Variants in EXOC1L observed in about 807,000 individuals in gnomAD.
EXOC1L encodes exocyst complex component 1 like, also known as exocyst complex component 1-like.
A neutral mutation model predicts 4.9 loss-of-function variants in EXOC1L; 10 were observed. The ratio of observed to expected loss-of-function variants is 2.02; its 90% CI spans 1.25 to 3.43. The LOEUF is 3.43. EXOC1L is among the 30% of genes most tolerant of loss of function. The pLI is 0.00. For missense variants in EXOC1L, 114 were observed against 59.4 expected (o/e 1.92, Z -3.02); for synonymous variants, 41 against 20.8 (o/e 1.97, Z -2.63).
At chr4:55,833,172 A>G (rs1036937380) in intron 2 of EXOC1L, among the ~76,000 whole-genome samples, 4 of 151,930 alleles carry the variant, frequency 2.6e-5, no homozygotes, top group African/African-American at 9.7e-5. Context: ...ATATATTATT[A>G]CATATTTATA....
intron 1 of EXOC1L, among the ~76,000 whole-genome samples, chr4:55,822,570 T>C (rs1052569282): frequency 6.6e-6 from 1 of 152,122 alleles, no homozygotes; most frequent in East Asian, 1.9e-4. Flanking sequence ...CTGAAGGACT[T>C]GACATAGCAT....
At chr4:55,833,445 A>G (rs1196430991) in intron 2 of EXOC1L, among the ~76,000 whole-genome samples, 1 of 151,850 alleles carries the variant, frequency 6.6e-6, no homozygotes, top group Non-Finnish European at 1.5e-5. Flanking sequence ...TACCTCTGTG[A>G]TAAGATTACA....
In EXOC1L at chr4:55,819,977, G is replaced by T; in HGVS notation, c.-50G>T. On this transcript the variant is annotated 5_prime_UTR_variant, in exon 1 of 3. In the 5' UTR this introduces an upstream ATG that the reference lacks. Coordinates refer to ENST00000636125, the MANE Select transcript of EXOC1L (RefSeq NM_001351574.3). ...GAGAAATCTAGGGAGCAAAAGGAGA[G>T]GAAAGAGTGAGCTTGAGCCAAGACA... 2.5e-6 allele frequency: 1 copy of T among 398,662 alleles called. No homozygotes were observed. The allele number at this position is 398,662 out of a possible 1,614,324, so 24.7% of individuals were successfully genotyped here.
In EXOC1L at chr4:55,824,273, T is replaced by TCACA. The variant is rs747727307; in HGVS notation, c.121+4151_121+4154dup. Among the ~76,000 whole-genome samples the TCACA allele has an allele frequency of 6.6e-3, 970 of 147,256 alleles. 6 individuals carry two copies. Among genetic ancestry groups the TCACA allele is most frequent in the African/African-American group, 0.014 (572 of 40,160 alleles). ...TTTCAAGTCTCTCTCTCTCTCTCTC[T>TCACA]CACACACACACACACACACACACAC... On this transcript the variant is annotated intron_variant, in intron 1 of 2. Transcript: ENST00000636125.
At chr4:55,829,909 A>G (rs1719979957) in intron 1 of EXOC1L, among the ~76,000 whole-genome samples, 1 of 152,194 alleles carries the variant, frequency 6.6e-6, no homozygotes, top group African/African-American at 2.4e-5. Context: ...TTCTGTACCT[A>G]GTGAATCCTA....
intron 2 of EXOC1L, among the ~76,000 whole-genome samples, chr4:55,833,639 C>G (rs1326061685): frequency 2.6e-5 from 4 of 151,832 alleles, no homozygotes; most frequent in Admixed American, 1.3e-4. Context: ...TTCTCCAGCT[C>G]TCAAATATTA....
intron 1 of EXOC1L, among the ~76,000 whole-genome samples, chr4:55,828,124 C>T (rs1430748406): frequency 1.3e-5 from 2 of 152,132 alleles, no homozygotes; most frequent in Non-Finnish European, 2.9e-5. Context: ...CCCTCCTCTT[C>T]CAAACTCCTG....
intron 2 of EXOC1L, among the ~76,000 whole-genome samples, chr4:55,835,376 G>A (rs1433114897): frequency 6.6e-6 from 1 of 151,958 alleles, no homozygotes; most frequent in Admixed American, 6.6e-5. Flanking sequence ...AAACCCAGGA[G>A]TTGGATTGCT....
At chr4:55,826,576 G>A (rs1230514313) in intron 1 of EXOC1L, among the ~76,000 whole-genome samples, 1 of 152,214 alleles carries the variant, frequency 6.6e-6, no homozygotes, top group East Asian at 1.9e-4. Flanking sequence ...TGAGTCTACA[G>A]ATATGCTCAC....
At chr4:55,820,281 T>C (rs1342827155) in intron 1 of EXOC1L, 134 bp downstream of exon 1, 3 of 388,762 alleles carry the variant, frequency 7.7e-6, no homozygotes. Flanking sequence ...AACTTAACTA[T>C]GCCAGGTTTA....
At chr4:55,827,081 ACTT>A (rs1719903045) in intron 1 of EXOC1L, among the ~76,000 whole-genome samples, 1 of 152,110 alleles carries the variant, frequency 6.6e-6, no homozygotes, top group African/African-American at 2.4e-5. Context: ...TTCAGTGACA[ACTT>A]CTCTCTCTTA....
At chr4:55,829,312 T>C (rs1458154150) in intron 1 of EXOC1L, among the ~76,000 whole-genome samples, 1 of 152,214 alleles carries the variant, frequency 6.6e-6, no homozygotes, top group East Asian at 1.9e-4. Context: ...ATCATTCTGA[T>C]GTCTATTTTA....
chr4:55,837,105 G>A lies in EXOC1L; in HGVS notation c.273G>A (p.Leu91=). 1 of 697,432 alleles carries A rather than the reference G, an allele frequency of 1.4e-6. No homozygotes were observed. Among genetic ancestry groups the A allele is most frequent in the South Asian group, 1.5e-5 (1 of 66,602 alleles). 43.2% of individuals were successfully genotyped at this position (697,432 alleles called of 1,614,324 possible). ...EADTDNPFFD[L]HFKKVYSLEA... is the part of the protein sequence containing the mutation. ...TCCAGGACAATCCATTTTTTGATCT[G>A]CACTTCAAGAAAGTGTACAGTTTGG... is the stretch of plus-strand genomic sequence containing the variant. The change falls in exon 3 of 3, where the codon CTG becomes CTA. Residue 91 remains leucine (L), a synonymous_variant. Transcript: ENST00000636125.
At chr4:55,836,315 T>G (rs1340158761) in intron 2 of EXOC1L, among the ~76,000 whole-genome samples, 1 of 151,962 alleles carries the variant, frequency 6.6e-6, no homozygotes, top group Non-Finnish European at 1.5e-5. Context: ...AAGAACATGA[T>G]GATAAATAAT....
Position 55,834,500 on chromosome 4 carries a change from C to T in EXOC1L, c.253-2585C>T, listed in dbSNP as rs552404077. Among the ~76,000 whole-genome samples, 8 of 152,042 alleles carry T rather than the reference C, an allele frequency of 5.3e-5. No individual in the cohort carries two copies. The South Asian group carries it at 1.4e-3, about 28-fold the overall frequency. Reference sequence around the variant, plus strand: ...GACAGGCAGATTTGTATCCTATGTGCATGCATACTCAGGCTCCAATTATTA... The same window carrying T: ...GACAGGCAGATTTGTATCCTATGTGTATGCATACTCAGGCTCCAATTATTA... On this transcript the variant is annotated intron_variant, in intron 2 of 2. Coordinates refer to ENST00000636125, the MANE Select transcript of EXOC1L (RefSeq NM_001351574.3).
At chr4:55,836,172 C>A (rs1304772029) in intron 2 of EXOC1L, among the ~76,000 whole-genome samples, 1 of 151,826 alleles carries the variant, frequency 6.6e-6, no homozygotes, top group African/African-American at 2.4e-5. Flanking sequence ...TATTAATACT[C>A]CTGTTTGGTT....
intron 2 of EXOC1L, among the ~76,000 whole-genome samples, chr4:55,834,778 C>T (rs931093025): frequency 3.3e-5 from 5 of 151,696 alleles, no homozygotes; most frequent in African/African-American, 1.2e-4. Context: ...ACCACACCAC[C>T]TTTATACATT....
In EXOC1L at chr4:55,820,080, G is replaced by A. The variant is rs546560232; in HGVS notation, c.54G>A (p.Ser18=). 5.0e-6 allele frequency: 2 copies of A among 399,054 alleles called. No homozygotes were observed. The highest frequency in any genetic ancestry group is 1.3e-4 in the South Asian group (1 of 7,862). The allele number at this position is 399,054 out of a possible 1,614,324, so 24.7% of individuals were successfully genotyped here. ...AGAAGAAACTGTTTAAGCCACTCTCGCAGAATCTGTACGAGTTTATTGAAA... is the reference window on the plus strand; with the variant it reads ...AGAAGAAACTGTTTAAGCCACTCTCACAGAATCTGTACGAGTTTATTGAAA... ...DLEKKLFKPL[S]QNLYEFIEIE... is the part of the protein sequence containing the mutation. The change falls in exon 1 of 3, where the codon TCG becomes TCA. Residue 18 remains serine, a synonymous_variant. Transcript: ENST00000636125.
intron 1 of EXOC1L, among the ~76,000 whole-genome samples, chr4:55,828,585 A>T (rs77721573): frequency 0.042 from 6,391 of 152,238 alleles, 160 homozygotes; most frequent in Non-Finnish European, 0.06. Flanking sequence ...TAATCCCAAC[A>T]TTTTGAGAGG....
Sources: allele counts gnomAD v4.1 joint callset (sites outside exome capture counted in the v4.1 genomes callset), GRCh38; gene constraint gnomAD v4.1.1; transcripts MANE v1.5; gene names NCBI Gene and HGNC (gene_info 2026-07-23, HGNC 2026-07-21).